The following SYTL2 variants were observed in gnomAD, a reference collection of about 807,000 sequenced individuals.
SYTL2 encodes the protein synaptotagmin-like protein 2.
SYTL2 carries 165 observed loss-of-function variants against 198.7 expected under a neutral mutation model. The observed-to-expected ratio is 0.83, with a 90% CI of 0.73 to 0.94. The LOEUF is 0.94. Among genes scored for constraint, SYTL2 ranks in the 40% least tolerant of loss-of-function variants. The pLI is 0.00. For missense variants in SYTL2, 2,835 were observed against 2,582.8 expected (o/e 1.10, Z -2.12); for synonymous variants, 966 against 917.7 (o/e 1.05, Z -0.95).
Position 85,694,321 on chromosome 11 carries a change from T to C in SYTL2, c.*874A>G, listed in dbSNP as rs1591503470. The C allele has an allele frequency of 6.6e-6, 1 of 152,304 alleles. No homozygotes were observed. Among genetic ancestry groups the C allele is most frequent in the Non-Finnish European group, 1.5e-5 (1 of 68,024 alleles). 9.4% of individuals were successfully genotyped at this position (152,304 alleles called of 1,614,324 possible). ...AAATGATAATTTATTCTAAGGGTTT[T>C]TACAAAATACGAAAATTTTACATAC... On this transcript the variant is annotated 3_prime_UTR_variant, in exon 20 of 20. Transcript: ENST00000359152.
Position 85,714,518 on chromosome 11 carries a change from G to T in SYTL2, c.5531-11C>A. 1 of 1,605,350 alleles carries T rather than the reference G, an allele frequency of 6.2e-7. No individual in the cohort carries two copies. ...TAGGCACTGTGGAAACTAAACAGCAGCATTTCCATTTCAAAATTATTCTTA... is the reference window on the plus strand; with the variant it reads ...TAGGCACTGTGGAAACTAAACAGCATCATTTCCATTTCAAAATTATTCTTA... On this transcript the variant is annotated splice_polypyrimidine_tract_variant and intron_variant, in intron 11 of 19. Coordinates refer to ENST00000359152, the MANE Select transcript of SYTL2 (RefSeq NM_206927.4).
chr11:85,765,239 G>A (rs2092209270), intron 1 of SYTL2, among the ~76,000 whole-genome samples: 1 of 152,168 alleles, frequency 6.6e-6, no homozygotes, highest in Non-Finnish European at 1.5e-5. Flanking sequence ...TCCAACAATA[G>A]GTTGCCTTTT....
At position 85,726,530 on chromosome 11, in the gene SYTL2, G is replaced by A. The variant is rs776872265; in HGVS notation, c.2828C>T (p.Ala943Val). The A allele has an allele frequency of 6.2e-7, 1 of 1,602,566 alleles. No individual in the cohort carries two copies. Among genetic ancestry groups the A allele is most frequent in the African/African-American group, 1.3e-5 (1 of 75,030 alleles). Residue 943 changes from alanine (A) to valine (V), a missense_variant, in exon 8 of 20, where the codon GCT becomes GTT. Coordinates refer to ENST00000359152, the MANE Select transcript of SYTL2 (RefSeq NM_206927.4). ...PPSNVGSERH[A>V]PLEKDRPLVR... ...TAGAGGTCTGTCTTTCTCCAATGGA[G>A]CATGTCGTTCACTCCCGACATTTGA...
intron 1 of SYTL2, among the ~76,000 whole-genome samples, chr11:85,760,339 A>G (rs537199009): frequency 6.6e-6 from 1 of 152,348 alleles, no homozygotes; most frequent in South Asian, 2.1e-4. Flanking sequence ...ACCTGCTAAT[A>G]CAAACACTTT....
intron 8 of SYTL2, 52 bp from the exon 9 acceptor site, chr11:85,721,011 A>G (rs2088232124): frequency 9.5e-7 from 1 of 1,051,734 alleles, no homozygotes; most frequent in African/African-American, 1.6e-5. Flanking sequence ...AAAAAAAAAA[A>G]TCCTCTAACA....
chr11:85,807,652 T>C (rs2092976186), intron 1 of SYTL2, among the ~76,000 whole-genome samples: 1 of 152,180 alleles, frequency 6.6e-6, no homozygotes, highest in Admixed American at 6.5e-5. Flanking sequence ...GCAAATTAGT[T>C]TTTTAATTTT....
At chr11:85,841,625 C>T in the SYTL2 span, among the ~76,000 whole-genome samples, 18 of 152,180 alleles carry the variant, frequency 1.2e-4, 1 homozygote, top group African/African-American at 4.1e-4. Flanking sequence ...ATGATGAGAA[C>T]ACATGGACAC....
the SYTL2 span, among the ~76,000 whole-genome samples, chr11:85,821,164 TC>T: frequency 6.6e-6 from 1 of 152,250 alleles, no homozygotes; most frequent in East Asian, 1.9e-4. Context: ...AAGATGCACA[TC>T]TTTTTTTATA....
At chr11:85,698,214 A>G (rs2083703913) in intron 17 of SYTL2, 136 bp from the exon 18 acceptor site, 2 of 625,742 alleles carry the variant, frequency 3.2e-6, no homozygotes, top group East Asian at 5.5e-5. Flanking sequence ...AACTGATTAA[A>G]TCTATACAGT....
chr11:85,833,063 GA>G, the SYTL2 span, among the ~76,000 whole-genome samples: 5 of 37,956 alleles, frequency 1.3e-4, no homozygotes, highest in Admixed American at 3.5e-4. Flanking sequence ...AAGAAAGAAA[GA>G]AAGAAAGAAA....
chr11:85,698,536 G>C (rs1455756403), intron 17 of SYTL2, among the ~76,000 whole-genome samples: 1 of 152,068 alleles, frequency 6.6e-6, no homozygotes, highest in Non-Finnish European at 1.5e-5. Context: ...ATTTTTAAGA[G>C]TAGTTATACT....
At chr11:85,848,369 T>G in the SYTL2 span, among the ~76,000 whole-genome samples, 1 of 152,166 alleles carries the variant, frequency 6.6e-6, no homozygotes, top group Non-Finnish European at 1.5e-5. Context: ...TTTTGTGTCC[T>G]ATATAACACT....
At chr11:85,759,974 T>A (rs114584081) in intron 1 of SYTL2, among the ~76,000 whole-genome samples, 1 of 152,334 alleles carries the variant, frequency 6.6e-6, no homozygotes, top group African/African-American at 2.4e-5. Flanking sequence ...ACTATCATGT[T>A]CCCACCAGAG....
At chr11:85,854,080 G>T in the SYTL2 span, 1 of 152,074 alleles carries the variant, frequency 6.6e-6, no homozygotes, top group South Asian at 2.1e-4. Context: ...CAAGCAATCT[G>T]TCCACCTCGG....
At chr11:85,706,819 GT>G (rs751602817) in intron 15 of SYTL2, among the ~76,000 whole-genome samples, 1 of 151,030 alleles carries the variant, frequency 6.6e-6, no homozygotes, top group Non-Finnish European at 1.5e-5. Context: ...TCAGCTGTGG[GT>G]TTTTTTTGTT....
intron 1 of SYTL2, among the ~76,000 whole-genome samples, chr11:85,759,760 G>C (rs913800747): frequency 9.6e-5 from 8 of 83,416 alleles, no homozygotes; most frequent in Non-Finnish European, 2.2e-4. Context: ...TAAATATTAA[G>C]ACATTACTTC....
intron 1 of SYTL2, among the ~76,000 whole-genome samples, chr11:85,787,317 G>A (rs2092650854): frequency 6.6e-6 from 1 of 152,160 alleles, no homozygotes; most frequent in South Asian, 2.1e-4. Flanking sequence ...CTCACTAGAT[G>A]ATCACTAAAT....
At chr11:85,721,754 A>C (rs935454724) in intron 8 of SYTL2, among the ~76,000 whole-genome samples, 1 of 152,226 alleles carries the variant, frequency 6.6e-6, no homozygotes, top group Admixed American at 6.5e-5. Context: ...CCTGAAATAC[A>C]TTCCAGTTCT....
At chr11:85,846,255 G>C in the SYTL2 span, among the ~76,000 whole-genome samples, 1 of 152,188 alleles carries the variant, frequency 6.6e-6, no homozygotes, top group African/African-American at 2.4e-5. Context: ...CCATGGGGAA[G>C]CTGCATGACT....
Sources: gnomAD v4.1 joint callset for allele counts (sites outside exome capture counted in the v4.1 genomes callset) on GRCh38, gnomAD v4.1.1 for gene constraint, MANE v1.5 for transcripts, NCBI Gene and HGNC (gene_info 2026-07-23, HGNC 2026-07-21) for gene names.